EXT2: variants seen among roughly 807,000 people sequenced by gnomAD.
The protein encoded by EXT2 is exostosin-2.
A neutral mutation model predicts 81.6 loss-of-function variants in EXT2; 53 were observed. That is an observed-to-expected ratio of 0.65 (90% confidence interval 0.52 to 0.82). EXT2 has a LOEUF of 0.82. EXT2 is among the 40% of genes least tolerant of loss of function. EXT2 has a pLI of 0.00. For synonymous variants in EXT2, 320 were observed against 340.0 expected, an observed-to-expected ratio of 0.94 and a Z score of 0.65; for missense variants, 774 against 910.2, an observed-to-expected ratio of 0.85 and a Z score of 1.93.
At chr11:44,120,440 T>C (rs1027142742) in intron 4 of EXT2, among the ~76,000 whole-genome samples, 33 of 152,174 alleles carry the variant, frequency 2.2e-4, no homozygotes, top group African/African-American at 8.0e-4. Flanking sequence ...CAGCTTGCAG[T>C]CTGGTCATGC....
At chr11:44,137,260 G>A (rs1954584321) in intron 7 of EXT2, among the ~76,000 whole-genome samples, 1 of 152,032 alleles carries the variant, frequency 6.6e-6, no homozygotes, top group African/African-American at 2.4e-5. Flanking sequence ...AATGCACTAG[G>A]GCCTGTAAAT....
intron 3 of EXT2, among the ~76,000 whole-genome samples, chr11:44,113,466 T>C (rs999460136): frequency 9.9e-5 from 15 of 152,196 alleles, no homozygotes; most frequent in Non-Finnish European, 1.9e-4. Context: ...CTGGATCCAG[T>C]TAAAACAATG....
intron 7 of EXT2, among the ~76,000 whole-genome samples, chr11:44,153,914 GGTT>G (rs1954825107): frequency 2.0e-5 from 3 of 151,228 alleles, no homozygotes; most frequent in Admixed American, 6.6e-5. Context: ...TTTGAATACT[GGTT>G]GTTGTTGTTT....
At chr11:44,235,906 G>A (rs140301770) in intron 12 of EXT2, among the ~76,000 whole-genome samples, 6 of 152,322 alleles carry the variant, frequency 3.9e-5, no homozygotes, top group East Asian at 3.9e-4. Flanking sequence ...GAGAAAGAGC[G>A]CCTGTTGGAA....
chr11:44,243,139 A>C (rs576311100), intron 13 of EXT2, among the ~76,000 whole-genome samples: 2 of 152,304 alleles, frequency 1.3e-5, no homozygotes, highest in East Asian at 3.9e-4. Flanking sequence ...TAGTGCTCTC[A>C]GATGTCCTGG....
intron 7 of EXT2, among the ~76,000 whole-genome samples, chr11:44,150,649 A>G (rs1954780460): frequency 6.6e-6 from 1 of 152,230 alleles, no homozygotes; most frequent in South Asian, 2.1e-4. Context: ...TAGTCAAAGC[A>G]CGTGTAGTCT....
At chr11:44,136,215 C>T (rs921121994) in intron 7 of EXT2, among the ~76,000 whole-genome samples, 8 of 152,214 alleles carry the variant, frequency 5.3e-5, no homozygotes, top group Non-Finnish European at 8.8e-5. Context: ...ACATAGCTGT[C>T]TGTGTCAATT....
At chr11:44,165,910 G>C (rs1954988262) in intron 7 of EXT2, among the ~76,000 whole-genome samples, 1 of 152,152 alleles carries the variant, frequency 6.6e-6, no homozygotes, top group Non-Finnish European at 1.5e-5. Flanking sequence ...ATTTAGTTAG[G>C]AGTCATGGAT....
In EXT2 at chr11:44,247,540, C is replaced by T. The variant is rs949673138; in HGVS notation, c.*3253C>T. Among the ~76,000 whole-genome samples the T allele has an allele frequency of 1.3e-5, 2 of 152,236 alleles. No homozygotes were observed. The highest frequency in any genetic ancestry group is 4.8e-5 in the African/African-American group (2 of 41,464). On this transcript the variant is annotated 3_prime_UTR_variant, in exon 14 of 14. Coordinates refer to ENST00000533608, the MANE Select transcript of EXT2 (RefSeq NM_207122.2). ...GTGCTGGGATTACGGGCGTGAGTCC[C>T]CACGCTCAGCCACTGTATCCTTTAC...
chr11:44,219,351 TAAA>T (rs562729890), intron 10 of EXT2, among the ~76,000 whole-genome samples: 1 of 143,854 alleles, frequency 7.0e-6, no homozygotes, highest in African/African-American at 2.5e-5. Flanking sequence ...AAAATTAAAT[TAAA>T]AAAAAAAAAA....
At chr11:44,242,524 A>G (rs564388972) in intron 13 of EXT2, among the ~76,000 whole-genome samples, 1 of 152,318 alleles carries the variant, frequency 6.6e-6, no homozygotes, top group South Asian at 2.1e-4. Context: ...ACCTGAGTTT[A>G]AAACCCAGTT....
intron 13 of EXT2, among the ~76,000 whole-genome samples, chr11:44,236,794 C>A (rs1236652231): frequency 6.6e-6 from 1 of 152,140 alleles, no homozygotes; most frequent in Admixed American, 6.5e-5. Flanking sequence ...CCTTTGCTGA[C>A]ACTATGGAAA....
intron 8 of EXT2, among the ~76,000 whole-genome samples, chr11:44,192,558 G>A (rs955915803): frequency 6.6e-6 from 1 of 152,240 alleles, no homozygotes; most frequent in African/African-American, 2.4e-5. Flanking sequence ...TAGGCAAGAT[G>A]AATACAAATC....
intron 7 of EXT2, among the ~76,000 whole-genome samples, chr11:44,157,889 G>T (rs1325810664): frequency 2.0e-5 from 3 of 152,226 alleles, no homozygotes; most frequent in African/African-American, 7.2e-5. Context: ...AGAACTGCCT[G>T]TGTACCACTG....
rs1242599429 is a variant in EXT2, at chr11:44,117,141, G to A, written c.743+2840G>A. Among the ~76,000 whole-genome samples the A allele has an allele frequency of 2.6e-5, 4 of 151,986 alleles. No individual in the cohort carries two copies. The South Asian group carries it at 8.3e-4, about 32-fold the overall frequency. ...TGTGCCACCACGCCCAGCTAATTTT[G>A]TATTTTTTGCAGAGACGGGGTTTCT... On this transcript the variant is annotated intron_variant, in intron 4 of 13. Transcript: ENST00000533608.
chr11:44,108,405 C>T (rs1271499753), intron 2 of EXT2, among the ~76,000 whole-genome samples, 157 bp downstream of exon 2: 1 of 152,190 alleles, frequency 6.6e-6, no homozygotes, highest in Non-Finnish European at 1.5e-5. Flanking sequence ...TGACTTGCAG[C>T]ATGAGGCCTG....
rs548120990 is a variant in EXT2, at chr11:44,168,867, G to A, written c.1174-2744G>A. ...AATTAGCAGGAAGATGATATGTGAT[G>A]GAAGTTCAGATATGCATTAAGAAAA... On this transcript the variant is annotated intron_variant, in intron 7 of 13. Transcript: ENST00000533608. Among the ~76,000 whole-genome samples, 8 of 152,262 alleles carry A rather than the reference G, an allele frequency of 5.3e-5. No homozygotes were observed. The South Asian group carries it at 1.7e-3, about 32-fold the overall frequency.
rs554355547 is a variant in EXT2, at chr11:44,232,723, C to T, written c.1806+227C>T. Among the ~76,000 whole-genome samples, 160 of 152,246 alleles carry T rather than the reference C, an allele frequency of 1.1e-3. No homozygotes were observed. The Middle Eastern group carries it at 0.014, about 13-fold the overall frequency. On this transcript the variant is annotated intron_variant, in intron 11 of 13. Transcript: ENST00000533608. ...AAAGTTACTTGTAATCCTGTCACTT[C>T]GAGATAACCATTTTATCATTCAGGT... is the stretch of plus-strand genomic sequence containing the variant.
At chr11:44,127,438 G>A (rs757536230) in intron 6 of EXT2, among the ~76,000 whole-genome samples, 3 of 152,270 alleles carry the variant, frequency 2.0e-5, no homozygotes, top group South Asian at 4.2e-4. Flanking sequence ...TCATAGAAGC[G>A]TGGACCCTAC....
Sources: allele counts gnomAD v4.1 joint callset (sites outside exome capture counted in the v4.1 genomes callset), GRCh38; gene constraint gnomAD v4.1.1; transcripts MANE v1.5; gene names NCBI Gene and HGNC (gene_info 2026-07-23, HGNC 2026-07-21).